The following RARB variants were observed in gnomAD, a reference collection of about 807,000 sequenced individuals.
The protein encoded by RARB is retinoic acid receptor beta.
Under a neutral mutation model 51.9 loss-of-function variants are expected in RARB, and 17 were observed. The observed-to-expected ratio is 0.33, with a 90% confidence interval of 0.22 to 0.49. The LOEUF (loss-of-function observed/expected upper bound fraction) is 0.49, where lower values mean the gene tolerates loss of function less well. RARB is among the 20% of genes least tolerant of loss of function. RARB has a pLI of 0.99. For synonymous variants in RARB, 215 were observed against 195.4 expected (o/e 1.10, Z -0.84); for missense variants, 369 against 550.8 (o/e 0.67, Z 3.30).
intron 5 of RARB, among the ~76,000 whole-genome samples, chr3:25,330,340 A>G (rs1704855040): frequency 6.6e-6 from 1 of 152,242 alleles, no homozygotes; most frequent in Non-Finnish European, 1.5e-5. Context: ...GCAAGCCAGA[A>G]GAGAGTGGGG....
intron 1 of RARB, among the ~76,000 whole-genome samples, chr3:24,850,018 G>A (rs949996646): frequency 5.9e-5 from 9 of 152,250 alleles, no homozygotes; most frequent in African/African-American, 2.2e-4. Context: ...AGGCTGGGAA[G>A]TTCAAGACCA....
intron 5 of RARB, among the ~76,000 whole-genome samples, chr3:25,202,156 G>A (rs1428881717): frequency 6.6e-6 from 1 of 152,102 alleles, no homozygotes; most frequent in African/African-American, 2.4e-5. Context: ...TCCTGATTTA[G>A]TCTTGGGAGG....
chr3:24,912,800 T>G (rs969617186), intron 2 of RARB, among the ~76,000 whole-genome samples: 1 of 152,082 alleles, frequency 6.6e-6, no homozygotes, highest in South Asian at 2.1e-4. Flanking sequence ...AGAACCTGAA[T>G]CTCAGTTTTT....
At chr3:25,175,689 G>A (rs1700729790) in intron 5 of RARB, among the ~76,000 whole-genome samples, 1 of 152,092 alleles carries the variant, frequency 6.6e-6, no homozygotes, top group South Asian at 2.1e-4. Flanking sequence ...TGCACTTTTG[G>A]GATGTTGATT....
At chr3:25,082,247 G>T (rs9882518) in intron 3 of RARB, among the ~76,000 whole-genome samples, 134,926 of 152,128 alleles carry the variant, frequency 0.89, 60,180 homozygotes, top group African/African-American at 0.97. Flanking sequence ...TATTTAGTCT[G>T]TTTATATGTT....
At chr3:25,436,486 C>G (rs947148877) in intron 1 of RARB, among the ~76,000 whole-genome samples, 10 of 152,154 alleles carry the variant, frequency 6.6e-5, no homozygotes, top group African/African-American at 2.4e-4. Context: ...AACAGTCAAT[C>G]AAATGAATGT....
chr3:25,284,519 A>T (rs1453345207), intron 5 of RARB, among the ~76,000 whole-genome samples: 1 of 152,194 alleles, frequency 6.6e-6, no homozygotes, highest in Non-Finnish European at 1.5e-5. Context: ...TTATTACTCA[A>T]AGCTGAGTGG....
intron 5 of RARB, among the ~76,000 whole-genome samples, chr3:25,189,919 G>T (rs1051657373): frequency 1.3e-5 from 2 of 151,926 alleles, no homozygotes; most frequent in Non-Finnish European, 2.9e-5. Context: ...ATCCTTCATT[G>T]GGGCCCAGCT....
At chr3:24,993,588 G>A (rs1189783669) in intron 2 of RARB, among the ~76,000 whole-genome samples, 2 of 152,044 alleles carry the variant, frequency 1.3e-5, no homozygotes, top group Admixed American at 6.6e-5. Flanking sequence ...TCTTCTTACA[G>A]TGGTATAGAA....
intron 2 of RARB, among the ~76,000 whole-genome samples, chr3:24,988,631 C>T (rs2125432857): frequency 6.6e-6 from 1 of 151,952 alleles, no homozygotes; most frequent in Admixed American, 6.6e-5. Flanking sequence ...AAAATTTTAC[C>T]TTAATACTAT....
At chr3:25,345,928 T>A in intron 5 of RARB, 1 of 870,008 alleles carries the variant, frequency 1.1e-6, no homozygotes, top group Non-Finnish European at 1.4e-6. Context: ...GAAAAATGTT[T>A]AAACCACCAT....
intron 5 of RARB, chr3:25,352,404 T>G (rs758789742): frequency 3.3e-5 from 5 of 152,170 alleles, no homozygotes; most frequent in Non-Finnish European, 5.9e-5. Context: ...AATCTCAGAT[T>G]CTCTTGGGTT....
At chr3:25,199,791 C>G (rs1009518837) in intron 5 of RARB, among the ~76,000 whole-genome samples, 10 of 152,156 alleles carry the variant, frequency 6.6e-5, no homozygotes, top group African/African-American at 2.4e-4. Flanking sequence ...TTTTTTATGG[C>G]TGCATAGTAT....
At chr3:24,995,843 T>C (rs1238900147) in intron 2 of RARB, among the ~76,000 whole-genome samples, 1 of 152,064 alleles carries the variant, frequency 6.6e-6, no homozygotes, top group Admixed American at 6.5e-5. Flanking sequence ...ATTTTTGATG[T>C]GTTGTTGGAT....
At chr3:25,366,542 C>T (rs1706125093) in intron 5 of RARB, among the ~76,000 whole-genome samples, 1 of 151,862 alleles carries the variant, frequency 6.6e-6, no homozygotes, top group Admixed American at 6.6e-5. Context: ...CTGATGAAAC[C>T]AGAACTTTGA....
At chr3:25,281,681 C>T (rs1703526891) in intron 5 of RARB, among the ~76,000 whole-genome samples, 1 of 151,994 alleles carries the variant, frequency 6.6e-6, no homozygotes, top group South Asian at 2.1e-4. Flanking sequence ...TTTCTAGTAG[C>T]CTAAGCGTCA....
chr3:25,444,999 G>C (rs979653370), intron 1 of RARB, among the ~76,000 whole-genome samples: 2 of 151,942 alleles, frequency 1.3e-5, no homozygotes, highest in African/African-American at 4.8e-5. Context: ...GCCCAGGCTG[G>C]AGTGTGGTGG....
At chr3:25,581,432 C>G (rs148884394) in intron 5 of RARB, among the ~76,000 whole-genome samples, 7 of 152,266 alleles carry the variant, frequency 4.6e-5, no homozygotes, top group African/African-American at 1.4e-4. Flanking sequence ...CTGAAGCCCC[C>G]ACCAGGGAAA....
At chr3:25,197,351 G>C (rs1353904018) in intron 5 of RARB, among the ~76,000 whole-genome samples, 1 of 152,028 alleles carries the variant, frequency 6.6e-6, no homozygotes, top group African/African-American at 2.4e-5. Flanking sequence ...GTTTTTGTCA[G>C]GTTTGTCAAA....
Sources: allele counts gnomAD v4.1 joint callset (sites outside exome capture counted in the v4.1 genomes callset), GRCh38; gene constraint gnomAD v4.1.1; transcripts MANE v1.5; gene names NCBI Gene and HGNC (gene_info 2026-07-23, HGNC 2026-07-21).